Variants in NCEH1 observed in about 807,000 individuals in gnomAD.
NCEH1 encodes neutral cholesterol ester hydrolase 1.
In NCEH1, 9 loss-of-function variants were observed where a neutral mutation model predicts 25.4. The observed-to-expected ratio is 0.35, with a 90% CI of 0.21 to 0.62. NCEH1 has a LOEUF of 0.62. Among genes scored for constraint, NCEH1 ranks in the 20% least tolerant of loss-of-function variants. The pLI, the probability that NCEH1 is intolerant of heterozygous loss-of-function variation, is 0.72. For synonymous variants in NCEH1, 200 were observed against 199.8 expected (o/e 1.00, Z -0.01); for missense variants, 412 against 501.1 (o/e 0.82, Z 1.70).
At chr3:172,653,475 A>G (rs1278207501) in intron 1 of NCEH1, among the ~76,000 whole-genome samples, 1 of 152,192 alleles carries the variant, frequency 6.6e-6, no homozygotes, top group East Asian at 1.9e-4. Context: ...TTAGAGTAAT[A>G]GAGGAGAACC....
intron 1 of NCEH1, among the ~76,000 whole-genome samples, chr3:172,688,794 G>A (rs1712856371): frequency 6.6e-6 from 1 of 152,054 alleles, no homozygotes; most frequent in Non-Finnish European, 1.5e-5. Context: ...ATGCTACAAG[G>A]TGTTGGCCCT....
intron 1 of NCEH1, among the ~76,000 whole-genome samples, chr3:172,686,183 A>G (rs1712684509): frequency 6.6e-6 from 1 of 152,180 alleles, no homozygotes; most frequent in South Asian, 2.1e-4. Flanking sequence ...GGCCTTGCCT[A>G]GCCCCCTTGT....
In NCEH1 at chr3:172,633,286, C is replaced by A; in HGVS notation, c.*189G>T. The A allele has an allele frequency of 1.6e-6, 1 of 626,502 alleles. No homozygotes were observed. 38.8% of individuals were successfully genotyped at this position (626,502 alleles called of 1,614,324 possible). ...CTGGGAACCAAATTTACATGTTTTG[C>A]ACTTAAGTTAGTCAAATTCATTTTT... is the stretch of plus-strand genomic sequence containing the variant. On this transcript the variant is annotated 3_prime_UTR_variant, in exon 5 of 5. Transcript: ENST00000475381.
intron 1 of NCEH1, among the ~76,000 whole-genome samples, chr3:172,687,762 G>A (rs868159974): frequency 3.9e-5 from 6 of 152,272 alleles, no homozygotes; most frequent in Non-Finnish European, 8.8e-5. Flanking sequence ...TGAAATACCT[G>A]TAATTTTCGG....
chr3:172,653,952 T>C (rs570052195), intron 1 of NCEH1, among the ~76,000 whole-genome samples: 15 of 152,198 alleles, frequency 9.9e-5, no homozygotes, highest in Admixed American at 8.5e-4. Flanking sequence ...AGACAAGGTT[T>C]CACTGTGCTG....
rs1414356620 is a variant in NCEH1, at chr3:172,647,945, T to C, written c.308A>G (p.Glu103Gly). The change falls in exon 2 of 5, where the codon GAG becomes GGG. Residue 103 changes from glutamate to glycine, a missense_variant. This residue lies in a region of NCEH1 where 178 missense variants were observed against 189.2 expected (regional missense o/e 0.94). Coordinates refer to ENST00000475381, the MANE Select transcript of NCEH1 (RefSeq NM_020792.6). ...RVFEGPPKPE[E>G]PLKRSVVYIH... Reference sequence around the variant, plus strand: ...ATAAACGACGCTGCGTTTCAGTGGCTCTTCGGGCTTCGGAGGGCCTTCAAA... The same window carrying C: ...ATAAACGACGCTGCGTTTCAGTGGCCCTTCGGGCTTCGGAGGGCCTTCAAA... 1.2e-6 allele frequency: 2 copies of C among 1,614,078 alleles called. No individual in the cohort carries two copies. Among genetic ancestry groups the C allele is most frequent in the Non-Finnish European group, 1.7e-6 (2 of 1,180,044 alleles).
At chr3:172,708,711 C>T (rs1714142224) in intron 1 of NCEH1, among the ~76,000 whole-genome samples, 1 of 152,180 alleles carries the variant, frequency 6.6e-6, no homozygotes, top group Non-Finnish European at 1.5e-5. Context: ...TAAATTACTT[C>T]CAGTTTACAT....
intron 1 of NCEH1, among the ~76,000 whole-genome samples, chr3:172,702,116 C>T (rs1713728658): frequency 6.6e-6 from 1 of 152,186 alleles, no homozygotes. Flanking sequence ...AGGAGTAACA[C>T]AGGCTGGAAT....
intron 2 of NCEH1, among the ~76,000 whole-genome samples, chr3:172,646,526 C>CA (rs920311981): frequency 5.9e-5 from 9 of 152,094 alleles, no homozygotes; most frequent in Admixed American, 2.6e-4. Flanking sequence ...AGTAACAGAA[C>CA]CAATTTAATA....
chr3:172,667,660 G>A (rs747986254), intron 1 of NCEH1, among the ~76,000 whole-genome samples: 13 of 152,260 alleles, frequency 8.5e-5, no homozygotes, highest in African/African-American at 2.4e-4. Flanking sequence ...TAGGTCATAC[G>A]GAAAGGAAGG....
At chr3:172,672,999 C>T (rs1711728244) in intron 1 of NCEH1, among the ~76,000 whole-genome samples, 2 of 152,136 alleles carry the variant, frequency 1.3e-5, no homozygotes, top group South Asian at 4.1e-4. Context: ...TCCAGCAGCT[C>T]AAACTGCCAT....
chr3:172,676,244 C>T (rs934423366), intron 1 of NCEH1, among the ~76,000 whole-genome samples: 1 of 152,124 alleles, frequency 6.6e-6, no homozygotes, highest in Non-Finnish European at 1.5e-5. Flanking sequence ...AAACCCCGAA[C>T]CATTTCTTTT....
At chr3:172,658,646 A>G (rs1456806835) in intron 1 of NCEH1, among the ~76,000 whole-genome samples, 2 of 152,128 alleles carry the variant, frequency 1.3e-5, no homozygotes. Context: ...TACAAAGCAA[A>G]CCTAAGGAGA....
chr3:172,636,166 C>A, intron 3 of NCEH1, 79 bp from the exon 4 acceptor site: 1 of 858,574 alleles, frequency 1.2e-6, no homozygotes, highest in Non-Finnish European at 1.8e-6. Context: ...GAAACTGGTT[C>A]TTTTAAATCT....
rs1182201567 is a variant in NCEH1 at position 172,632,234 on chromosome 3, A to G, written c.*1241T>C. The G allele has an allele frequency of 2.6e-5, 4 of 152,228 alleles. No individual in the cohort carries two copies. Among genetic ancestry groups the G allele is most frequent in the Non-Finnish European group, 5.9e-5 (4 of 68,034 alleles). The allele number at this position is 152,228 out of a possible 1,614,324, so 9.4% of individuals were successfully genotyped here. ...TAACTTGTATATGCATATAAACACG[A>G]AAATATTTATGCCTATGTTATAGTA... is the stretch of plus-strand genomic sequence containing the variant. On this transcript the variant is annotated 3_prime_UTR_variant, in exon 5 of 5. Transcript: ENST00000475381.
intron 1 of NCEH1, among the ~76,000 whole-genome samples, chr3:172,674,066 AG>A (rs1711801442): frequency 6.6e-6 from 1 of 152,208 alleles, no homozygotes; most frequent in African/African-American, 2.4e-5. Flanking sequence ...AACCAGCAGA[AG>A]CCCAACCCCA....
chr3:172,673,152 CA>C (rs1203127988), intron 1 of NCEH1, among the ~76,000 whole-genome samples: 3 of 152,208 alleles, frequency 2.0e-5, no homozygotes, highest in Non-Finnish European at 2.9e-5. Flanking sequence ...AGGGGCATTT[CA>C]AGAAAAACTC....
intron 1 of NCEH1, among the ~76,000 whole-genome samples, chr3:172,655,480 C>T (rs1024477143): frequency 1.3e-5 from 2 of 152,192 alleles, no homozygotes; most frequent in African/African-American, 4.8e-5. Context: ...TAGCCTCCTG[C>T]TTCCCCTTTG....
At chr3:172,690,644 AACTAAACAGT>A (rs1712982229) in intron 1 of NCEH1, among the ~76,000 whole-genome samples, 1 of 152,260 alleles carries the variant, frequency 6.6e-6, no homozygotes, top group South Asian at 2.1e-4. Flanking sequence ...GGTGGCAAGT[AACTAAACAGT>A]CTAAATTTTT....
Sources: allele counts gnomAD v4.1 joint callset (sites outside exome capture counted in the v4.1 genomes callset), GRCh38; gene constraint gnomAD v4.1.1; regional missense constraint gnomAD v4.1.1; transcripts MANE v1.5; gene names NCBI Gene and HGNC (gene_info 2026-07-23, HGNC 2026-07-21).